Variants in KLHL4 observed in about 807,000 individuals in gnomAD.
KLHL4 encodes the protein kelch like family member 4.
In KLHL4, 17 loss-of-function variants were observed where a neutral mutation model predicts 45.8. The ratio of observed to expected loss-of-function variants is 0.37; its 90% CI spans 0.25 to 0.56. The LOEUF (loss-of-function observed/expected upper bound fraction) is 0.56, where lower values mean the gene tolerates loss of function less well. KLHL4 is among the 20% of genes least tolerant of loss of function. KLHL4 has a pLI of 0.79. For missense variants in KLHL4, 544 were observed against 544.9 expected, an observed-to-expected ratio of 1.00 and a Z score of 0.02; for synonymous variants, 224 against 189.9, an observed-to-expected ratio of 1.18 and a Z score of -1.47.
At chrX:87,626,451 G>A (rs780081147) in intron 6 of KLHL4, among the ~76,000 whole-genome samples, 1 of 110,970 alleles carries the variant, frequency 9.0e-6, no homozygotes, top group South Asian at 3.8e-4. Context: ...ATAAAGCAGA[G>A]GAAGCAATCA....
At chrX:87,642,893 T>C (rs986031615) in intron 9 of KLHL4, among the ~76,000 whole-genome samples, 2 of 111,405 alleles carry the variant, frequency 1.8e-5, no homozygotes, top group Non-Finnish European at 3.8e-5. Context: ...CTCCAAGAAG[T>C]CTGGCGTTAT....
intron 1 of KLHL4, among the ~76,000 whole-genome samples, chrX:87,531,722 C>G (rs1931286749): frequency 9.8e-6 from 1 of 101,970 alleles, no homozygotes; most frequent in African/African-American, 3.6e-5. Context: ...TGAGTGAACT[C>G]CCATTCACAA....
rs181795041 is a variant in KLHL4 at position 87,587,879 on chromosome X, G to A, written c.423-25998G>A. On this transcript the variant is annotated intron_variant, in intron 1 of 10. Transcript: ENST00000373119. ...CATCAAATTATCCTTTTTTGTGCAT[G>A]ATACTATCATATACTTGGAAAAACC... Among the ~76,000 whole-genome samples, 407 of 111,356 alleles carry A rather than the reference G, an allele frequency of 3.7e-3. 6 individuals carry two copies. In the South Asian group the frequency reaches 0.052, roughly 14 times the overall value.
intron 1 of KLHL4, among the ~76,000 whole-genome samples, chrX:87,533,770 C>G (rs2147768636): frequency 9.0e-6 from 1 of 111,269 alleles, no homozygotes; most frequent in East Asian, 2.8e-4. Context: ...TTAAAACCTA[C>G]TCAATTTTCT....
chrX:87,636,634 G>T (rs1923272692), intron 9 of KLHL4, among the ~76,000 whole-genome samples: 1 of 110,999 alleles, frequency 9.0e-6, no homozygotes, highest in South Asian at 3.9e-4. Flanking sequence ...GAGCGAGGGT[G>T]CAGTGGGAGT....
intron 9 of KLHL4, among the ~76,000 whole-genome samples, chrX:87,636,002 C>CTAATTT (rs1923253343): frequency 1.8e-5 from 2 of 110,888 alleles, no homozygotes; most frequent in Admixed American, 1.9e-4. Flanking sequence ...GGGATCTTAG[C>CTAATTT]TAATTTTAAT....
intron 8 of KLHL4, 90 bp downstream of exon 8, chrX:87,634,001 C>T: frequency 2.7e-6 from 2 of 735,448 alleles, no homozygotes; most frequent in South Asian, 3.5e-5. Flanking sequence ...ATTAGCATTC[C>T]AAATAACCTG....
chrX:87,591,834 A>G (rs1387875281), intron 1 of KLHL4, among the ~76,000 whole-genome samples: 1 of 112,136 alleles, frequency 8.9e-6, no homozygotes, highest in Non-Finnish European at 1.9e-5. Flanking sequence ...AATCTCAAAC[A>G]TTTATCAATT....
chrX:87,567,384 C>T (rs1382043628), intron 1 of KLHL4, among the ~76,000 whole-genome samples: 1 of 111,587 alleles, frequency 9.0e-6, no homozygotes, highest in Non-Finnish European at 1.9e-5. Context: ...GTATGTAAAA[C>T]AATGCATTTT....
chrX:87,559,646 C>T (rs955571952), intron 1 of KLHL4, among the ~76,000 whole-genome samples: 20 of 111,330 alleles, frequency 1.8e-4, no homozygotes, highest in East Asian at 1.4e-3. Context: ...AAAAATTCCC[C>T]GAAACAACTA....
At chrX:87,626,226 C>T (rs1162836124) in intron 6 of KLHL4, among the ~76,000 whole-genome samples, 1 of 111,343 alleles carries the variant, frequency 9.0e-6, no homozygotes. Flanking sequence ...TATCAGACAT[C>T]AACGTGTAAG....
chrX:87,660,228 G>A (rs1924143989), intron 9 of KLHL4, among the ~76,000 whole-genome samples: 1 of 111,342 alleles, frequency 9.0e-6, no homozygotes, highest in African/African-American at 3.3e-5. Context: ...GTACAAGCCT[G>A]ACTACCAGAG....
intron 9 of KLHL4, among the ~76,000 whole-genome samples, chrX:87,645,145 C>T (rs918212254): frequency 2.7e-5 from 3 of 111,456 alleles, no homozygotes; most frequent in Non-Finnish European, 5.7e-5. Flanking sequence ...CTTCACGATC[C>T]GTACATCTGA....
intron 1 of KLHL4, among the ~76,000 whole-genome samples, chrX:87,584,941 C>G (rs1249906872): frequency 9.3e-6 from 1 of 107,656 alleles, no homozygotes; most frequent in Admixed American, 9.9e-5. Context: ...ATGAAACTTC[C>G]AAAGGTTAAG....
intron 1 of KLHL4, among the ~76,000 whole-genome samples, chrX:87,539,103 TA>T (rs1372614121): frequency 9.0e-6 from 1 of 111,126 alleles, no homozygotes; most frequent in East Asian, 2.8e-4. Context: ...AAATCAGAAA[TA>T]TACAAATTCG....
In KLHL4 at chrX:87,592,272, T is replaced by G. The variant is rs762508051; in HGVS notation, c.423-21605T>G. Among the ~76,000 whole-genome samples the G allele has an allele frequency of 2.1e-4, 24 of 111,913 alleles. 1 individual carries two copies. Among genetic ancestry groups the G allele is most frequent in the Non-Finnish European group, 9.4e-5 (5 of 53,119 alleles). On this transcript the variant is annotated intron_variant, in intron 1 of 10. Transcript: ENST00000373119. Reference sequence around the variant, plus strand: ...TATCCAGTCATCTGTTGATGGACACTTACATGGATTTCAAATCTTGGCTAT... The same window carrying G: ...TATCCAGTCATCTGTTGATGGACACGTACATGGATTTCAAATCTTGGCTAT...
intron 5 of KLHL4, among the ~76,000 whole-genome samples, chrX:87,624,379 A>G (rs1415948230): frequency 1.8e-5 from 2 of 112,208 alleles, no homozygotes; most frequent in African/African-American, 6.5e-5. Context: ...AAGGATGGTG[A>G]TGAATCTCTG....
At chrX:87,564,148 T>A (rs948088760) in intron 1 of KLHL4, among the ~76,000 whole-genome samples, 1 of 111,328 alleles carries the variant, frequency 9.0e-6, no homozygotes, top group Non-Finnish European at 1.9e-5. Context: ...AAATACAGAA[T>A]AGTATAACAC....
chrX:87,562,632 T>C (rs1305282825), intron 1 of KLHL4, among the ~76,000 whole-genome samples: 1 of 110,928 alleles, frequency 9.0e-6, no homozygotes, highest in Non-Finnish European at 1.9e-5. Context: ...AAGTTCCTGA[T>C]TCCATGCCCC....
Sources: gnomAD v4.1 joint callset for allele counts (sites outside exome capture counted in the v4.1 genomes callset) on GRCh38, gnomAD v4.1.1 for gene constraint, MANE v1.5 for transcripts, NCBI Gene and HGNC (gene_info 2026-07-23, HGNC 2026-07-21) for gene names.